LMTK2: variants seen among roughly 807,000 people sequenced by gnomAD.
The protein encoded by LMTK2 is lemur tail kinase 2.
Under a neutral mutation model 127.5 loss-of-function variants are expected in LMTK2, and 37 were observed. The observed-to-expected ratio is 0.29, with a 90% CI of 0.22 to 0.38. The LOEUF is 0.38. Ranked by LOEUF, LMTK2 falls within the 10% of genes least tolerant of loss-of-function variation. The pLI is 1.00. For synonymous variants in LMTK2, 819 were observed against 810.1 expected (o/e 1.01, Z -0.19); for missense variants, 1,694 against 1,920.3 (o/e 0.88, Z 2.20).
chr7:98,123,667 A>C (rs758800440), intron 1 of LMTK2, among the ~76,000 whole-genome samples: 11 of 152,022 alleles, frequency 7.2e-5, no homozygotes, highest in Non-Finnish European at 1.5e-4. Flanking sequence ...TTGAACCTTG[A>C]AAGTTGTGTG....
rs750878269 is a variant in LMTK2, at chr7:98,159,476, A to G, written c.657+51A>G. ...TCGAGTATTCCAGAGGTTGTATTCA[A>G]GTGTTTTTGACAGATGGACATGCTG... On this transcript the variant is annotated intron_variant, in intron 6 of 13. Transcript: ENST00000297293. The G allele has an allele frequency of 2.6e-5, 33 of 1,275,310 alleles. No homozygotes were observed. In the African/African-American group the frequency reaches 2.8e-4, roughly 11 times the overall value. The allele number at this position is 1,275,310 out of a possible 1,614,324, so 79.0% of individuals were successfully genotyped here.
chr7:98,140,130 CTTTCTTTCTTTCTTTTCT>C lies in LMTK2; in HGVS notation c.232-1259_232-1242del, dbSNP rs1323480544. On this transcript the variant is annotated intron_variant, in intron 2 of 13. Coordinates refer to ENST00000297293, the MANE Select transcript of LMTK2 (RefSeq NM_014916.4). ...TCTTTCTTTCTTTCTTTCTTTCTTT[CTTTCTTTCTTTCTTTTCT>C]TTTCTTTTCTTTTCTTTTCTTTTCT... is the stretch of plus-strand genomic sequence containing the variant. 7.3e-4 allele frequency among the ~76,000 whole-genome samples: 26 copies of C among 35,688 alleles called. 1 individual carries two copies. Among genetic ancestry groups the C allele is most frequent in the African/African-American group, 4.0e-3 (25 of 6,254 alleles). The allele number at this position is 35,688 out of a possible 152,430, so 23.4% of individuals were successfully genotyped here. A position where few individuals can be genotyped will look rare whatever the true frequency, so the allele number is the denominator to read the frequency against.
chr7:98,129,715 G>A (rs1796495148), intron 1 of LMTK2, among the ~76,000 whole-genome samples: 1 of 151,750 alleles, frequency 6.6e-6, no homozygotes, highest in Non-Finnish European at 1.5e-5. Flanking sequence ...TCTTTCTGTT[G>A]TTGTTGTTTT....
At chr7:98,166,076 A>G (rs1797094081) in intron 6 of LMTK2, among the ~76,000 whole-genome samples, 1 of 152,206 alleles carries the variant, frequency 6.6e-6, no homozygotes, top group South Asian at 2.1e-4. Flanking sequence ...CCCGGGCACT[A>G]CGGCCTTGGC....
chr7:98,162,493 A>T (rs912111201), intron 6 of LMTK2, among the ~76,000 whole-genome samples: 2 of 152,178 alleles, frequency 1.3e-5, no homozygotes, highest in Non-Finnish European at 2.9e-5. Context: ...TTTGGGGTGA[A>T]TATTATGCAT....
chr7:98,111,501 A>G (rs941781562), intron 1 of LMTK2, among the ~76,000 whole-genome samples: 2 of 152,128 alleles, frequency 1.3e-5, no homozygotes, highest in Non-Finnish European at 2.9e-5. Flanking sequence ...TTGTAGTGAG[A>G]TCTGGGTGTG....
chr7:98,192,948 G>A lies in LMTK2; in HGVS notation c.2483G>A (p.Arg828Gln), dbSNP rs376485075. The A allele has an allele frequency of 7.4e-6, 12 of 1,613,944 alleles. No homozygotes were observed. In the African/African-American group the frequency reaches 1.1e-4, roughly 14 times the overall value. The change falls in exon 11 of 14, where the codon CGG becomes CAG. Residue 828 changes from arginine to glutamine, a missense_variant. Around this residue, in one of 8 missense-constraint regions of LMTK2, gnomAD observed 527 missense variants for 539.8 expected, o/e 0.98. Coordinates refer to ENST00000297293, the MANE Select transcript of LMTK2 (RefSeq NM_014916.4). ...TSFETEETPR[R>Q]VPPDSLPTQG... ...TTCGAAACAGAAGAAACGCCCCGTC[G>A]GGTACCCCCAGACTCACTCCCAACA...
At chr7:98,198,286 G>A (rs1034410315) in intron 11 of LMTK2, among the ~76,000 whole-genome samples, 4 of 151,386 alleles carry the variant, frequency 2.6e-5, no homozygotes, top group African/African-American at 7.3e-5. Context: ...CGCCTCCCGC[G>A]TTCAAGCAAT....
intron 1 of LMTK2, among the ~76,000 whole-genome samples, chr7:98,109,444 G>A (rs1285733539): frequency 6.6e-6 from 1 of 152,026 alleles, no homozygotes; most frequent in Non-Finnish European, 1.5e-5. Context: ...TAAAGTCTGT[G>A]GAAAAGACGC....
chr7:98,109,941 C>T (rs1796176390), intron 1 of LMTK2, among the ~76,000 whole-genome samples: 1 of 151,956 alleles, frequency 6.6e-6, no homozygotes, highest in African/African-American at 2.4e-5. Flanking sequence ...AAGAGGAATC[C>T]CGCTTGACCA....
At chr7:98,164,251 G>A (rs1274573097) in intron 6 of LMTK2, among the ~76,000 whole-genome samples, 1 of 152,176 alleles carries the variant, frequency 6.6e-6, no homozygotes, top group Non-Finnish European at 1.5e-5. Context: ...GCAGGTACAC[G>A]CCGCTCTCAC....
intron 7 of LMTK2, among the ~76,000 whole-genome samples, chr7:98,181,622 A>G (rs1168766007): frequency 6.6e-6 from 1 of 152,230 alleles, no homozygotes; most frequent in Admixed American, 6.5e-5. Context: ...GAGAGAGCCC[A>G]GAAATAAAAC....
At position 98,206,906 on chromosome 7, in the gene LMTK2, TG is replaced by T. The variant is rs1252648613; in HGVS notation, c.*1416del. ...ACATAGTTCGGGTCGGGGCCTTGGGTGGTCCTGCATGGCCCGGGACTCATCT... is the reference window on the plus strand; with the variant it reads ...ACATAGTTCGGGTCGGGGCCTTGGGTGTCCTGCATGGCCCGGGACTCATCT... On this transcript the variant is annotated 3_prime_UTR_variant, in exon 14 of 14. Transcript: ENST00000297293. 2.6e-5 allele frequency: 4 copies of T among 152,116 alleles called. No individual in the cohort carries two copies. The highest frequency in any genetic ancestry group is 2.6e-4 in the Admixed American group (4 of 15,274). The allele number at this position is 152,116 out of a possible 1,614,324, so 9.4% of individuals were successfully genotyped here.
At chr7:98,128,029 A>C in intron 1 of LMTK2, among the ~76,000 whole-genome samples, 1 of 152,164 alleles carries the variant, frequency 6.6e-6, no homozygotes, top group African/African-American at 2.4e-5. Context: ...CTATAATACC[A>C]GCTACTTGGG....
At chr7:98,110,918 G>C (rs1291509177) in intron 1 of LMTK2, among the ~76,000 whole-genome samples, 1 of 152,146 alleles carries the variant, frequency 6.6e-6, no homozygotes, top group Non-Finnish European at 1.5e-5. Flanking sequence ...CTTGTATTTT[G>C]AAAAAGATTT....
At chr7:98,156,313 A>G (rs1796924247) in intron 5 of LMTK2, among the ~76,000 whole-genome samples, 1 of 152,080 alleles carries the variant, frequency 6.6e-6, no homozygotes, top group South Asian at 2.1e-4. Flanking sequence ...AAAATACAAA[A>G]AATTAGTCGG....
In LMTK2 at chr7:98,151,464, C is replaced by G; in HGVS notation, c.450+9C>G. The G allele has an allele frequency of 6.3e-7, 1 of 1,599,996 alleles. No homozygotes were observed. The highest frequency in any genetic ancestry group is 8.6e-7 in the Non-Finnish European group (1 of 1,167,380). ...ATGGCTGGTTTGGAAAGGTAAGATG[C>G]TCTTCACTTGCATTTGTTTTCCTCT... On this transcript the variant is annotated intron_variant, in intron 4 of 13. Transcript: ENST00000297293.
At position 98,128,497 on chromosome 7, in the gene LMTK2, G is replaced by A. The variant is rs1460838233; in HGVS notation, c.104-8818G>A. Among the ~76,000 whole-genome samples the A allele has an allele frequency of 2.6e-5, 4 of 152,254 alleles. No individual in the cohort carries two copies. In the East Asian group the frequency reaches 7.7e-4, roughly 29 times the overall value. ...GACTGTGAGAAAGTCAAGTTCTGCT[G>A]TTGAAACCCCCAGCCTGTAGTATTT... is the stretch of plus-strand genomic sequence containing the variant. On this transcript the variant is annotated intron_variant, in intron 1 of 13. Transcript: ENST00000297293.
chr7:98,144,657 A>G (rs947776958), intron 3 of LMTK2, among the ~76,000 whole-genome samples: 1 of 151,670 alleles, frequency 6.6e-6, no homozygotes, highest in Non-Finnish European at 1.5e-5. Flanking sequence ...GACTTTTTAT[A>G]GAGAAGTTTG....
Sources: allele counts gnomAD v4.1 joint callset (sites outside exome capture counted in the v4.1 genomes callset), GRCh38; gene constraint gnomAD v4.1.1; regional missense constraint gnomAD v4.1.1; transcripts MANE v1.5; gene names NCBI Gene and HGNC (gene_info 2026-07-23, HGNC 2026-07-21).